The following GRIK2 variants were observed in gnomAD, a reference collection of about 807,000 sequenced individuals.
GRIK2 encodes the protein glutamate ionotropic receptor kainate type subunit 2.
GRIK2 carries 32 observed loss-of-function variants against 100.3 expected under a neutral mutation model. That is an observed-to-expected ratio of 0.32 (90% CI 0.24 to 0.43). GRIK2 has a LOEUF of 0.43. Ranked by LOEUF, GRIK2 falls within the 20% of genes least tolerant of loss-of-function variation. The pLI is 1.00. For missense variants in GRIK2, 843 were observed against 1,114.9 expected (o/e 0.76, Z 3.47); for synonymous variants, 417 against 389.4 (o/e 1.07, Z -0.83).
At chr6:101,835,993 G>A (rs1396128075) in intron 10 of GRIK2, among the ~76,000 whole-genome samples, 1 of 125,218 alleles carries the variant, frequency 8.0e-6, no homozygotes, top group Non-Finnish European at 1.5e-5. Flanking sequence ...ATAGCATCCT[G>A]AGAAAGGTTG....
intron 7 of GRIK2, among the ~76,000 whole-genome samples, chr6:101,799,358 C>T (rs529735243): frequency 6.6e-6 from 1 of 151,340 alleles, no homozygotes; most frequent in East Asian, 2.0e-4. Flanking sequence ...GAAATAAAGC[C>T]TGTCTTCATA....
chr6:101,825,188 C>T (rs1448292837), intron 10 of GRIK2, among the ~76,000 whole-genome samples: 2 of 152,160 alleles, frequency 1.3e-5, no homozygotes, highest in Non-Finnish European at 2.9e-5. Context: ...AAGAGTGACT[C>T]ATTCAAACTA....
At chr6:101,613,563 A>T (rs766362676) in intron 2 of GRIK2, among the ~76,000 whole-genome samples, 72 of 151,916 alleles carry the variant, frequency 4.7e-4, no homozygotes, top group Admixed American at 6.6e-4. Flanking sequence ...AAAAAATTTT[A>T]AAAAAGTACA....
intron 16 of GRIK2, among the ~76,000 whole-genome samples, chr6:102,063,615 T>G (rs573315405): frequency 6.6e-6 from 1 of 150,944 alleles, no homozygotes; most frequent in Admixed American, 6.6e-5. Context: ...ATCATGTTAT[T>G]ATAAAAATAT....
In GRIK2 at chr6:101,766,652, T is replaced by C. The variant is rs576693818; in HGVS notation, c.952-32996T>C. 2.6e-5 allele frequency among the ~76,000 whole-genome samples: 4 copies of C among 152,304 alleles called. No individual in the cohort carries two copies. The East Asian group carries it at 7.7e-4, about 29-fold the overall frequency. ...CAAATGACTTCTGGGAGTGTTGTCC[T>C]CTGAAGTTGAGCTTCCTACTCACAA... On this transcript the variant is annotated intron_variant, in intron 7 of 16. Transcript: ENST00000369134.
In GRIK2 at chr6:101,463,204, TAG is replaced by T. The variant is rs1771431955; in HGVS notation, c.115+63816_115+63817del. Among the ~76,000 whole-genome samples, 6 of 152,166 alleles carry T rather than the reference TAG, an allele frequency of 3.9e-5. No individual in the cohort carries two copies. In the South Asian group the frequency reaches 1.2e-3, roughly 32 times the overall value. On this transcript the variant is annotated intron_variant, in intron 2 of 16. Coordinates refer to ENST00000369134, the MANE Select transcript of GRIK2 (RefSeq NM_021956.5). ...TAGAGACATTTTACAGGCAGTGTTT[TAG>T]AGACAGTATCCATAGTCTGCAAGAC...
At chr6:101,454,237 C>T (rs1187270756) in intron 2 of GRIK2, among the ~76,000 whole-genome samples, 1 of 151,972 alleles carries the variant, frequency 6.6e-6, no homozygotes, top group African/African-American at 2.4e-5. Flanking sequence ...TTTTACTTTC[C>T]GTCAAGACAA....
chr6:101,853,779 C>A (rs1265904505), intron 10 of GRIK2, among the ~76,000 whole-genome samples: 2 of 152,052 alleles, frequency 1.3e-5, no homozygotes, highest in African/African-American at 4.8e-5. Flanking sequence ...AGCTATCAAG[C>A]CATGAAAATA....
chr6:102,008,208 G>A (rs1795342733), intron 14 of GRIK2, among the ~76,000 whole-genome samples: 1 of 151,960 alleles, frequency 6.6e-6, no homozygotes, highest in Non-Finnish European at 1.5e-5. Flanking sequence ...CAAATAGAAA[G>A]GAACAACTTG....
intron 12 of GRIK2, among the ~76,000 whole-genome samples, chr6:101,918,884 A>C (rs1428751708): frequency 6.6e-6 from 1 of 151,728 alleles, no homozygotes; most frequent in East Asian, 1.9e-4. Flanking sequence ...AGTACAGCAA[A>C]AGACAGTAGG....
At chr6:101,646,819 T>C (rs1480513655) in intron 4 of GRIK2, among the ~76,000 whole-genome samples, 1 of 151,734 alleles carries the variant, frequency 6.6e-6, no homozygotes, top group Non-Finnish European at 1.5e-5. Flanking sequence ...CAAACAGGAA[T>C]AGATGGAAAG....
intron 2 of GRIK2, among the ~76,000 whole-genome samples, chr6:101,448,849 A>C (rs568271773): frequency 6.6e-6 from 1 of 151,768 alleles, no homozygotes; most frequent in African/African-American, 2.4e-5. Flanking sequence ...AAAGTCCTTT[A>C]TAATCTCAAG....
intron 4 of GRIK2, among the ~76,000 whole-genome samples, chr6:101,651,592 T>C (rs1156785786): frequency 3.3e-5 from 5 of 152,034 alleles, no homozygotes. Flanking sequence ...GGGCTACAAT[T>C]TTAAATAGGG....
chr6:101,898,344 T>C (rs1333793638), intron 12 of GRIK2, among the ~76,000 whole-genome samples: 1 of 151,954 alleles, frequency 6.6e-6, no homozygotes, highest in Non-Finnish European at 1.5e-5. Flanking sequence ...TTGCCTATCA[T>C]GTTAACTTTA....
At chr6:101,854,538 G>A (rs996769195) in intron 10 of GRIK2, among the ~76,000 whole-genome samples, 2 of 151,934 alleles carry the variant, frequency 1.3e-5, no homozygotes, top group East Asian at 3.9e-4. Flanking sequence ...GTGATTACAG[G>A]TGTAAGCTGT....
rs572807306 is a variant in GRIK2 at position 101,498,886 on chromosome 6, G to C, written c.115+99494G>C. On this transcript the variant is annotated intron_variant, in intron 2 of 16. Transcript: ENST00000369134. ...TCTTTAGTTTAATTAGATCTCATTT[G>C]TCAATTTTGGCTTTTGTTGCCATTG... Among the ~76,000 whole-genome samples, 57 of 152,218 alleles carry C rather than the reference G, an allele frequency of 3.7e-4. 1 individual carries two copies. In the East Asian group the frequency reaches 0.011, roughly 29 times the overall value.
At chr6:101,885,289 C>G (rs1362663699) in intron 11 of GRIK2, among the ~76,000 whole-genome samples, 1 of 151,870 alleles carries the variant, frequency 6.6e-6, no homozygotes, top group African/African-American at 2.4e-5. Flanking sequence ...AGAGATGTGT[C>G]TTATAGAATT....
chr6:101,620,681 C>T lies in GRIK2; in HGVS notation c.116-1268C>T, dbSNP rs560480532. On this transcript the variant is annotated intron_variant, in intron 2 of 16. Coordinates refer to ENST00000369134, the MANE Select transcript of GRIK2 (RefSeq NM_021956.5). Reference sequence around the variant, plus strand: ...AAAGTTTAATTTATGAATGACTGTACGGGGAGTACATGGTGTGAAATTTGA... The same window carrying T: ...AAAGTTTAATTTATGAATGACTGTATGGGGAGTACATGGTGTGAAATTTGA... 5.3e-5 allele frequency among the ~76,000 whole-genome samples: 8 copies of T among 152,142 alleles called. No individual in the cohort carries two copies. The South Asian group carries it at 1.0e-3, about 20-fold the overall frequency.
At chr6:101,725,014 C>T (rs1774760538) in intron 7 of GRIK2, among the ~76,000 whole-genome samples, 1 of 151,976 alleles carries the variant, frequency 6.6e-6, no homozygotes, top group Non-Finnish European at 1.5e-5. Context: ...GTTCCCATTG[C>T]CTCCAACATT....
Sources: gnomAD v4.1 joint callset for allele counts (sites outside exome capture counted in the v4.1 genomes callset) on GRCh38, gnomAD v4.1.1 for gene constraint, MANE v1.5 for transcripts, NCBI Gene and HGNC (gene_info 2026-07-23, HGNC 2026-07-21) for gene names.